RYR1: variants seen among roughly 807,000 people sequenced by gnomAD.
RYR1 encodes the protein ryanodine receptor 1, also known as central core disease of muscle.
In RYR1, 342 loss-of-function variants were observed where a neutral mutation model predicts 583.5. The observed-to-expected ratio is 0.59, with a 90% CI of 0.54 to 0.64. RYR1 has a LOEUF of 0.64. RYR1 is among the 30% of genes least tolerant of loss of function. The pLI, the probability that RYR1 is intolerant of heterozygous loss-of-function variation, is 0.00. For synonymous variants in RYR1, 2,791 were observed against 2,822.5 expected, an observed-to-expected ratio of 0.99 and a Z score of 0.35; for missense variants, 6,032 against 6,917.2, an observed-to-expected ratio of 0.87 and a Z score of 4.54.
Position 38,535,390 on chromosome 19 carries a change from C to T in RYR1, c.11514C>T (p.Cys3838=). 1 of 1,612,642 alleles carries T rather than the reference C, an allele frequency of 6.2e-7. No individual in the cohort carries two copies. Among genetic ancestry groups the T allele is most frequent in the Non-Finnish European group, 8.5e-7 (1 of 1,178,628 alleles). Residue 3838 remains cysteine, a splice_region_variant and synonymous_variant, in exon 81 of 106, where the codon TGC becomes TGT. Transcript: ENST00000359596. Reference sequence around the variant, plus strand: ...GTATCCAGGCACTGATGCAAACATGCAGGTAGGTTCGAGTGGACCTCTTCT... The same window carrying T: ...GTATCCAGGCACTGATGCAAACATGTAGGTAGGTTCGAGTGGACCTCTTCT... ...FQSIQALMQT[C]SVLDLNAFER... is the part of the protein sequence containing the mutation.
At chr19:38,553,479 T>TAA (rs35593643) in intron 89 of RYR1, among the ~76,000 whole-genome samples, 44 of 145,692 alleles carry the variant, frequency 3.0e-4, no homozygotes, top group East Asian at 8.0e-4. Flanking sequence ...ACCCCATTGC[T>TAA]AAAAAAAAAA....
At chr19:38,477,368 C>T (rs1271801866) in intron 29 of RYR1, among the ~76,000 whole-genome samples, 1 of 152,124 alleles carries the variant, frequency 6.6e-6, no homozygotes, top group East Asian at 1.9e-4. Flanking sequence ...GTCTCAAACT[C>T]CTGACCTCAG....
At chr19:38,505,781 C>T (rs763864783) in intron 53 of RYR1, 25 bp from the exon 54 acceptor site, 18 of 1,613,894 alleles carry the variant, frequency 1.1e-5, no homozygotes, top group Non-Finnish European at 1.4e-5. Context: ...ATTCCACCAA[C>T]TCCCCACCCT....
At position 38,455,243 on chromosome 19, in the gene RYR1, C is replaced by G; in HGVS notation, c.1449C>G (p.Leu483=). ...RQSLFQEEGM[L]SMVLNCIDRL... is the part of the protein sequence containing the mutation. Reference sequence around the variant, plus strand: ...TATTTTCCTCATCCTAGGGGATGCTCTCCATGGTCCTGAATTGCATAGACC... The same window carrying G: ...TATTTTCCTCATCCTAGGGGATGCTGTCCATGGTCCTGAATTGCATAGACC... Residue 483 remains leucine, a synonymous_variant, in exon 14 of 106, where the codon CTC becomes CTG. Coordinates refer to ENST00000359596, the MANE Select transcript of RYR1 (RefSeq NM_000540.3). The G allele has an allele frequency of 6.2e-7, 1 of 1,614,148 alleles. No homozygotes were observed. Among genetic ancestry groups the G allele is most frequent in the South Asian group, 1.1e-5 (1 of 91,072 alleles).
In RYR1 at chr19:38,506,903, G is replaced by A. The variant is rs755944109; in HGVS notation, c.8767G>A (p.Ala2923Thr). Residue 2923 changes from alanine to threonine, a missense_variant, in exon 57 of 106, where the codon GCC becomes ACC. Physicochemically the swap from Ala to Thr is moderately conservative, Grantham distance 58 (BLOSUM62 0). Around this residue, in one of 11 missense-constraint regions of RYR1, gnomAD observed 1,493 missense variants for 1,715.5 expected, o/e 0.87. Coordinates refer to ENST00000359596, the MANE Select transcript of RYR1 (RefSeq NM_000540.3). ...GGAGAAGGCACGAGATCGAGAGAAG[G>A]CCCAGGAGCTACTGAAATTCCTGCA... ...AKEKARDREKAQELLKFLQMN... is the reference protein window; with the variant it reads ...AKEKARDREKTQELLKFLQMN... 29 of 1,613,376 alleles carry A rather than the reference G, an allele frequency of 1.8e-5. No homozygotes were observed. Among genetic ancestry groups the A allele is most frequent in the Middle Eastern group, 1.8e-4 (1 of 5,480 alleles).
intron 27 of RYR1, 94 bp from the exon 28 acceptor site, chr19:38,473,283 G>A: frequency 2.0e-6 from 3 of 1,475,530 alleles, no homozygotes; most frequent in Non-Finnish European, 2.8e-6. Flanking sequence ...GTGCACTATG[G>A]CCTAATGGTG....
intron 13 of RYR1, among the ~76,000 whole-genome samples, chr19:38,453,496 T>A (rs1214284299): frequency 6.6e-6 from 1 of 150,950 alleles, no homozygotes; most frequent in Non-Finnish European, 1.5e-5. Flanking sequence ...AATAGATCTT[T>A]GGGCATTAGG....
intron 89 of RYR1, among the ~76,000 whole-genome samples, chr19:38,550,651 CA>C (rs777801326): frequency 6.6e-6 from 1 of 152,142 alleles, no homozygotes; most frequent in Non-Finnish European, 1.5e-5. Context: ...GCTGGGATTA[CA>C]GGTGTGAGTC....
In RYR1 at chr19:38,466,238, C is replaced by T. The variant is rs768777093; in HGVS notation, c.3018C>T (p.Tyr1006=). 1.9e-6 allele frequency: 3 copies of T among 1,613,418 alleles called. No individual in the cohort carries two copies. The highest frequency in any genetic ancestry group is 2.2e-5 in the East Asian group (1 of 44,860). Residue 1006 remains tyrosine, a synonymous_variant, in exon 24 of 106, where the codon TAC becomes TAT. Coordinates refer to ENST00000359596, the MANE Select transcript of RYR1 (RefSeq NM_000540.3). ...ARDRVGQGWS[Y]SAVQDIPARR... ...ACCGCGTGGGCCAGGGCTGGAGCTACAGCGCAGTGCAGGACATCCCAGCGC... is the reference window on the plus strand; with the variant it reads ...ACCGCGTGGGCCAGGGCTGGAGCTATAGCGCAGTGCAGGACATCCCAGCGC...
rs367612143 is a variant in RYR1, at chr19:38,510,673, T to C, written c.9014T>C (p.Leu3005Ser). The C allele has an allele frequency of 2.5e-6, 4 of 1,614,080 alleles. No homozygotes were observed. In the African/African-American group the frequency reaches 4.0e-5, roughly 16 times the overall value. ...ACCCGTCTCCAGATCCTGCTCCCTTTGATCAACCAGTACTTCACCAACCAC... is the reference window on the plus strand; with the variant it reads ...ACCCGTCTCCAGATCCTGCTCCCTTCGATCAACCAGTACTTCACCAACCAC... ...IKFFAKILLPLINQYFTNHCL... is the reference protein window; with the variant it reads ...IKFFAKILLPSINQYFTNHCL... The change falls in exon 60 of 106, where the codon TTG becomes TCG. Residue 3005 changes from leucine to serine, a missense_variant. Transcript: ENST00000359596.
chr19:38,579,890 G>T, intron 99 of RYR1, 92 bp from the exon 100 acceptor site: 1 of 1,567,146 alleles, frequency 6.4e-7, no homozygotes, highest in East Asian at 2.2e-5. Context: ...CGACCCCCAG[G>T]GCACAGCTGA....
rs1332743294 is a variant in RYR1, at chr19:38,500,872, A to G, written c.7496A>G (p.Lys2499Arg). ...TCAGCATCCTTCGTGCCGGACCACA[A>G]GGCGTCCATGGTGCTCTTCCTGGAC... ...KMSASFVPDHKASMVLFLDRV... is the reference protein window; with the variant it reads ...KMSASFVPDHRASMVLFLDRV... The change falls in exon 47 of 106, where the codon AAG (lysine) becomes AGG (arginine). Residue 2499 changes from lysine to arginine, a missense_variant. Physicochemically the swap from Lys to Arg is conservative, Grantham distance 26 (BLOSUM62 2). Around this residue, in one of 11 missense-constraint regions of RYR1, gnomAD observed 2,627 missense variants for 2,961.3 expected, o/e 0.89. Transcript: ENST00000359596. This position sits in a 1 kb window ranked among gnomAD's most constrained non-coding sequence, Gnocchi z 5.9. The G allele has an allele frequency of 1.2e-6, 2 of 1,614,122 alleles. No individual in the cohort carries two copies. Among genetic ancestry groups the G allele is most frequent in the Admixed American group, 1.7e-5 (1 of 60,006 alleles).
chr19:38,530,081 G>A (rs911454981), intron 76 of RYR1, among the ~76,000 whole-genome samples: 5 of 152,066 alleles, frequency 3.3e-5, no homozygotes, highest in Admixed American at 1.3e-4. Context: ...CCAGGTTCAA[G>A]CAAGTGGGAT....
At chr19:38,505,554 A>G (rs1361082476) in intron 53 of RYR1, among the ~76,000 whole-genome samples, 156 bp downstream of exon 53, 2 of 152,178 alleles carry the variant, frequency 1.3e-5, no homozygotes, top group African/African-American at 2.4e-5. Flanking sequence ...CAAACTTGGT[A>G]GAGTGGGTAG....
rs554164402 is a variant in RYR1 at position 38,525,278 on chromosome 19, G to T, written c.10456-54G>T. The T allele has an allele frequency of 2.6e-5, 42 of 1,611,322 alleles. No homozygotes were observed. In the African/African-American group the frequency reaches 4.9e-4, roughly 19 times the overall value. Reference sequence around the variant, plus strand: ...GGTGTGGATGATGGCCGCGGGTTGGGGCTGAGGCATGGGATTGGGGCTTGG... The same window carrying T: ...GGTGTGGATGATGGCCGCGGGTTGGTGCTGAGGCATGGGATTGGGGCTTGG... On this transcript the variant is annotated intron_variant, in intron 70 of 105. Transcript: ENST00000359596.
intron 4 of RYR1, 38 bp from the exon 5 acceptor site, chr19:38,443,680 C>A (rs1332686857): frequency 1.2e-6 from 2 of 1,613,622 alleles, no homozygotes; most frequent in Non-Finnish European, 8.5e-7. Context: ...GCATGTGGGG[C>A]CTGCTAGAAG....
At chr19:38,566,457 A>G (rs111836048) in intron 91 of RYR1, among the ~76,000 whole-genome samples, 18 of 107,034 alleles carry the variant, frequency 1.7e-4, no homozygotes, top group Non-Finnish European at 3.8e-4. Flanking sequence ...TCAAAAAAAA[A>G]AAAAAAAAAA....
intron 1 of RYR1, among the ~76,000 whole-genome samples, chr19:38,439,454 C>T (rs1972573662): frequency 6.6e-6 from 1 of 151,834 alleles, no homozygotes; most frequent in Admixed American, 6.6e-5. Context: ...CTGCCTCGGC[C>T]TCCCAAAGTG....
At position 38,511,642 on chromosome 19, in the gene RYR1, C is replaced by G. The variant is rs572810660; in HGVS notation, c.9172+32C>G. ...GGCTCCACACCTTCGGTCTTCCTCC[C>G]TAATCTTTCTCTTCCCCACCCTGAA... On this transcript the variant is annotated intron_variant, in intron 61 of 105. Coordinates refer to ENST00000359596, the MANE Select transcript of RYR1 (RefSeq NM_000540.3). 32 of 1,611,300 alleles carry G rather than the reference C, an allele frequency of 2.0e-5. No homozygotes were observed. In the South Asian group the frequency reaches 3.3e-4, roughly 17 times the overall value.
Sources: gnomAD v4.1 joint callset for allele counts (sites outside exome capture counted in the v4.1 genomes callset) on GRCh38, gnomAD v4.1.1 for gene constraint, gnomAD v4.1.1 regional missense constraint, Gnocchi (gnomAD v3.1) non-coding constraint, MANE v1.5 for transcripts, NCBI Gene and HGNC (gene_info 2026-07-23, HGNC 2026-07-21) for gene names.